Variants in RAF1 observed in about 807,000 individuals in gnomAD.
The protein encoded by RAF1 is Raf-1 proto-oncogene, serine/threonine kinase.
Under a neutral mutation model 81.1 loss-of-function variants are expected in RAF1, and 27 were observed. That is an observed-to-expected ratio of 0.33 (90% CI 0.25 to 0.46). The LOEUF is 0.46. Among genes scored for constraint, RAF1 ranks in the 20% least tolerant of loss-of-function variants. The probability of loss-of-function intolerance (pLI) is 1.00; values close to 1 mark genes in which losing one functional copy is unlikely to be tolerated. For missense variants in RAF1, 598 were observed against 826.0 expected, an observed-to-expected ratio of 0.72 and a Z score of 3.38; for synonymous variants, 298 against 294.0, an observed-to-expected ratio of 1.01 and a Z score of -0.14.
At chr3:12,619,373 G>A (rs1445840293) in intron 1 of RAF1, among the ~76,000 whole-genome samples, 1 of 151,956 alleles carries the variant, frequency 6.6e-6, no homozygotes, top group Non-Finnish European at 1.5e-5. Flanking sequence ...AGACCAGCCT[G>A]GCTAACATGG....
intron 1 of RAF1, among the ~76,000 whole-genome samples, chr3:12,639,179 T>C (rs1263254177): frequency 2.0e-5 from 3 of 152,138 alleles, no homozygotes; most frequent in African/African-American, 7.2e-5. Context: ...CAGCCCTTCA[T>C]GCTAAAAACT....
chr3:12,661,325 A>G (rs2060870983), intron 1 of RAF1, among the ~76,000 whole-genome samples: 1 of 152,246 alleles, frequency 6.6e-6, no homozygotes, highest in African/African-American at 2.4e-5. Context: ...TTATTAAACT[A>G]AAAATACTCA....
At chr3:12,648,187 T>A (rs1251160644) in intron 1 of RAF1, among the ~76,000 whole-genome samples, 1 of 151,832 alleles carries the variant, frequency 6.6e-6, no homozygotes, top group Non-Finnish European at 1.5e-5. Context: ...AACAGATGTG[T>A]ATTCAAAGTA....
intron 1 of RAF1, among the ~76,000 whole-genome samples, chr3:12,628,758 G>T (rs1411275109): frequency 2.2e-5 from 3 of 139,276 alleles, no homozygotes; most frequent in Non-Finnish European, 3.1e-5. Context: ...TTTTGGGGGG[G>T]GGGGGTGGCG....
At chr3:12,656,513 A>T (rs2060699367) in intron 1 of RAF1, among the ~76,000 whole-genome samples, 1 of 152,184 alleles carries the variant, frequency 6.6e-6, no homozygotes, top group African/African-American at 2.4e-5. Flanking sequence ...TACTGTAAGC[A>T]TTTTGGAGAG....
At chr3:12,604,113 C>A (rs1333337154) in intron 7 of RAF1, 23 bp downstream of exon 7, 1 of 1,613,526 alleles carries the variant, frequency 6.2e-7, no homozygotes. Context: ...ACTGACATTA[C>A]CACCCCCAAG....
intron 1 of RAF1, among the ~76,000 whole-genome samples, chr3:12,631,574 A>C (rs1415280977): frequency 1.3e-5 from 2 of 152,170 alleles, no homozygotes; most frequent in African/African-American, 4.8e-5. Context: ...ACTCCAGCCT[A>C]GGCGACACAG....
At chr3:12,587,193 C>A in intron 14 of RAF1, 1 of 203,034 alleles carries the variant, frequency 4.9e-6, no homozygotes, top group Non-Finnish European at 1.0e-5. Context: ...TAGCTACTTG[C>A]TATCCACATA....
Position 12,664,110 on chromosome 3 carries a change from C to T in RAF1, c.-324G>A. 1 of 398,350 alleles carries T rather than the reference C, an allele frequency of 2.5e-6. No individual in the cohort carries two copies. The highest frequency in any genetic ancestry group is 4.4e-6 in the Non-Finnish European group (1 of 225,884). The allele number at this position is 398,350 out of a possible 1,614,324, so 24.7% of individuals were successfully genotyped here. On this transcript the variant is annotated 5_prime_UTR_variant, in exon 1 of 18. Coordinates refer to ENST00000442415, the MANE Select transcript of RAF1 (RefSeq NM_001354689.3). ...CCATCTAAGATGGCGGCCCAAGCGC[C>T]CGCGATTAAGACTCTCGGGCGGCCC...
intron 10 of RAF1, 108 bp from the exon 10 acceptor site, chr3:12,599,916 G>C: frequency 8.3e-7 from 1 of 1,207,130 alleles, no homozygotes; most frequent in Non-Finnish European, 1.2e-6. Context: ...ATCTTTTAAA[G>C]ATAAACATAT....
Position 12,584,125 on chromosome 3 carries a change from A to G in RAF1, c.*389T>C, listed in dbSNP as rs2058236105. 3.0e-6 allele frequency: 1 copy of G among 330,142 alleles called. No individual in the cohort carries two copies. The highest frequency in any genetic ancestry group is 5.7e-6 in the Non-Finnish European group (1 of 174,258). The allele number at this position is 330,142 out of a possible 1,614,324, so 20.5% of individuals were successfully genotyped here. On this transcript the variant is annotated 3_prime_UTR_variant, in exon 18 of 18. Transcript: ENST00000442415. ...TGCATTCCTCCAGAAGCTGATTTCC[A>G]AAATCCCATGTGTCTCCACATCAGG... is the stretch of plus-strand genomic sequence containing the variant.
intron 1 of RAF1, among the ~76,000 whole-genome samples, chr3:12,640,537 A>AC (rs2060153265): frequency 1.3e-5 from 2 of 152,162 alleles, no homozygotes; most frequent in South Asian, 4.2e-4. Flanking sequence ...AAATCAAACA[A>AC]CCCCATCAAA....
At chr3:12,663,427 G>T (rs766722272) in intron 1 of RAF1, among the ~76,000 whole-genome samples, 19 of 152,332 alleles carry the variant, frequency 1.2e-4, no homozygotes, top group Middle Eastern at 6.8e-3. Context: ...CTGAGAAAGG[G>T]TGCAAGCCCG....
chr3:12,587,449 A>T, intron 14 of RAF1, 142 bp downstream of exon 13: 1 of 842,326 alleles, frequency 1.2e-6, no homozygotes, highest in Non-Finnish European at 2.0e-6. Flanking sequence ...TAATTTTCTG[A>T]CTTTTCTGTT....
chr3:12,639,987 A>T (rs564058069), intron 1 of RAF1, among the ~76,000 whole-genome samples: 1 of 152,324 alleles, frequency 6.6e-6, no homozygotes, highest in South Asian at 2.1e-4. Flanking sequence ...GGCTACAGTA[A>T]CCAAAACAGC....
intron 1 of RAF1, among the ~76,000 whole-genome samples, chr3:12,662,159 A>C (rs1417597901): frequency 1.4e-5 from 2 of 146,316 alleles, no homozygotes; most frequent in Non-Finnish European, 1.5e-5. Context: ...ACACTGCCAG[A>C]CTCCATCTCT....
At chr3:12,631,828 A>T (rs1468501819) in intron 1 of RAF1, among the ~76,000 whole-genome samples, 7 of 152,158 alleles carry the variant, frequency 4.6e-5, no homozygotes, top group Non-Finnish European at 8.8e-5. Context: ...ATTCACATGT[A>T]GAAGTTTTCC....
intron 1 of RAF1, among the ~76,000 whole-genome samples, chr3:12,649,768 GGTGGGAGGA>G (rs2060464576): frequency 6.6e-6 from 1 of 152,158 alleles, no homozygotes; most frequent in African/African-American, 2.4e-5. Context: ...GGGAGGCCGA[GGTGGGAGGA>G]GTGCTTGAGC....
At chr3:12,628,493 C>T (rs889902694) in intron 1 of RAF1, among the ~76,000 whole-genome samples, 1 of 152,066 alleles carries the variant, frequency 6.6e-6, no homozygotes, top group South Asian at 2.1e-4. Flanking sequence ...TAGACACCTA[C>T]TCTACAAAAA....
Sources: gnomAD v4.1 joint callset for allele counts (sites outside exome capture counted in the v4.1 genomes callset) on GRCh38, gnomAD v4.1.1 for gene constraint, MANE v1.5 for transcripts, NCBI Gene and HGNC (gene_info 2026-07-23, HGNC 2026-07-21) for gene names.